DGKK: variants seen among roughly 807,000 people sequenced by gnomAD.
DGKK encodes 142 kDa diacylglycerol kinase.
A neutral mutation model predicts 92.2 loss-of-function variants in DGKK; 35 were observed. The ratio of observed to expected loss-of-function variants is 0.38; its 90% confidence interval spans 0.29 to 0.50. DGKK has a LOEUF of 0.50. DGKK is among the 20% of genes least tolerant of loss of function. The probability of loss-of-function intolerance (pLI) is 0.92; values close to 1 mark genes in which losing one functional copy is unlikely to be tolerated. For synonymous variants in DGKK, 368 were observed against 360.6 expected (o/e 1.02, Z -0.23); for missense variants, 910 against 992.2 (o/e 0.92, Z 1.11).
chrX:50,378,352 A>G (rs1244014265), intron 21 of DGKK, 120 bp from the exon 22 acceptor site: 2 of 977,974 alleles, frequency 2.0e-6, no homozygotes, highest in East Asian at 6.7e-5. Context: ...AAAGGATGTG[A>G]ATCAGATCAT....
chrX:50,387,652 A>C lies in DGKK; in HGVS notation c.2020T>G (p.Phe674Val). 2 of 1,182,777 alleles carry C rather than the reference A, an allele frequency of 1.7e-6. No homozygotes were observed. Among genetic ancestry groups the C allele is most frequent in the South Asian group, 1.8e-5 (1 of 55,708 alleles). ...AAATCTTCCACAGCTGAACACAAGA[A>C]TCTGGAAAGATAAAATAGATGGCAC... is the stretch of plus-strand genomic sequence containing the variant. ...YPTEMIIATR[F>V]LCSAVEDFVV... The change falls in exon 14 of 28, where the codon TTC becomes GTC. Residue 674 changes from phenylalanine (F) to valine (V), a missense_variant and splice_region_variant. Transcript: ENST00000611977.
intron 4 of DGKK, among the ~76,000 whole-genome samples, chrX:50,410,216 A>G (rs1355499078): frequency 1.8e-5 from 2 of 112,105 alleles, no homozygotes; most frequent in African/African-American, 6.5e-5. Context: ...GATTGTTCTG[A>G]ATAGAATTTT....
At chrX:50,462,013 A>G (rs987484328) in intron 1 of DGKK, among the ~76,000 whole-genome samples, 5 of 111,486 alleles carry the variant, frequency 4.5e-5, no homozygotes, top group Admixed American at 9.5e-5. Flanking sequence ...ACTAATTGGT[A>G]GTTAATAGCA....
chrX:50,436,805 C>T (rs1358629582), intron 1 of DGKK, among the ~76,000 whole-genome samples: 1 of 109,823 alleles, frequency 9.1e-6, no homozygotes, highest in Non-Finnish European at 1.9e-5. Context: ...CTTGTTCTGG[C>T]CTTCTGACTT....
intron 17 of DGKK, among the ~76,000 whole-genome samples, chrX:50,383,381 G>A (rs922342006): frequency 9.0e-6 from 1 of 111,686 alleles, no homozygotes; most frequent in Admixed American, 9.5e-5. Context: ...TGAGAGCTCA[G>A]ACATAAATTT....
chrX:50,434,018 C>T (rs1159020474), intron 1 of DGKK, among the ~76,000 whole-genome samples: 2 of 111,040 alleles, frequency 1.8e-5, no homozygotes, highest in African/African-American at 6.6e-5. Flanking sequence ...TGACCATAAG[C>T]TACCAGAGAA....
In DGKK at chrX:50,463,059, T is replaced by C. The variant is rs781918215; in HGVS notation, c.645+6975A>G. On this transcript the variant is annotated intron_variant, in intron 1 of 27. Coordinates refer to ENST00000611977, the MANE Select transcript of DGKK (RefSeq NM_001013742.4). The stretch of plus-strand genomic sequence containing the variant: ...ATTTTGTGTGTGTGTGGTTTTTTTT[T>C]CCTTATTGTGGGGGATGGAGAGGGT... 3.7e-5 allele frequency among the ~76,000 whole-genome samples: 4 copies of C among 107,636 alleles called. No individual in the cohort carries two copies. The East Asian group carries it at 1.2e-3, about 32-fold the overall frequency. The allele number at this position is 107,636 out of a possible 115,157, so 93.5% of individuals were successfully genotyped here. A position where few individuals can be genotyped will look rare whatever the true frequency, so the allele number is the denominator to read the frequency against.
chrX:50,464,019 C>T (rs1474171870), intron 1 of DGKK, among the ~76,000 whole-genome samples: 2 of 108,814 alleles, frequency 1.8e-5, no homozygotes, highest in African/African-American at 6.6e-5. Flanking sequence ...ATCTATTATG[C>T]ATCAGTTAAA....
rs782445063 is a variant in DGKK, at chrX:50,409,989, C to T, written c.943-5805G>A. 8.9e-5 allele frequency among the ~76,000 whole-genome samples: 10 copies of T among 111,994 alleles called. No individual in the cohort carries two copies. In the East Asian group the frequency reaches 2.8e-3, roughly 31 times the overall value. On this transcript the variant is annotated intron_variant, in intron 4 of 27. Coordinates refer to ENST00000611977, the MANE Select transcript of DGKK (RefSeq NM_001013742.4). ...AGTCTGCCAGTGGCTTGATCTTGGACTCTCTGGCTTCCGGAAGTGTGAGAA... is the reference window on the plus strand; with the variant it reads ...AGTCTGCCAGTGGCTTGATCTTGGATTCTCTGGCTTCCGGAAGTGTGAGAA...
At chrX:50,379,802 A>T (rs1924369179) in intron 19 of DGKK, 68 bp from the exon 20 acceptor site, 1 of 977,588 alleles carries the variant, frequency 1.0e-6, no homozygotes, top group African/African-American at 1.9e-5. Flanking sequence ...ATTTACAGAG[A>T]TGGGGAAAGG....
rs1924004097 is a variant in DGKK at position 50,367,622 on chromosome X, G to T, written c.*1318C>A. 1 of 111,201 alleles carries T rather than the reference G, an allele frequency of 9.0e-6. No individual in the cohort carries two copies. Among genetic ancestry groups the T allele is most frequent in the African/African-American group, 3.3e-5 (1 of 30,530 alleles). 9.2% of individuals were successfully genotyped at this position (111,201 alleles called of 1,213,427 possible). A position where few individuals can be genotyped will look rare whatever the true frequency, so the allele number is the denominator to read the frequency against. ...ATGGAGCTTGTGGGGAAGGGCCTAGGCTGTGACTTAATTGTCAGGCAGTCC... is the reference window on the plus strand; with the variant it reads ...ATGGAGCTTGTGGGGAAGGGCCTAGTCTGTGACTTAATTGTCAGGCAGTCC... On this transcript the variant is annotated 3_prime_UTR_variant, in exon 28 of 28. Transcript: ENST00000611977.
chrX:50,391,633 A>G (rs909445133), intron 10 of DGKK, 57 bp from the exon 11 acceptor site: 19 of 1,161,222 alleles, frequency 1.6e-5, no homozygotes, highest in Non-Finnish European at 2.2e-5. Flanking sequence ...AGCTTCACCC[A>G]TGAAGGAACC....
At chrX:50,453,304 T>C (rs1557232601) in intron 1 of DGKK, among the ~76,000 whole-genome samples, 1 of 111,702 alleles carries the variant, frequency 9.0e-6, no homozygotes, top group Non-Finnish European at 1.9e-5. Flanking sequence ...TCCTTTAGCT[T>C]TGGTTTTCTC....
intron 1 of DGKK, among the ~76,000 whole-genome samples, chrX:50,458,782 A>T (rs1364342308): frequency 9.0e-6 from 1 of 111,114 alleles, no homozygotes; most frequent in Non-Finnish European, 1.9e-5. Context: ...AAATTTCAAT[A>T]GGACTTGCCT....
chrX:50,376,193 A>G, intron 23 of DGKK, 28 bp from the exon 24 acceptor site: 1 of 1,202,082 alleles, frequency 8.3e-7, no homozygotes, highest in Non-Finnish European at 1.1e-6. Flanking sequence ...CAGATAGATG[A>G]GTTGGGATTT....
At chrX:50,444,535 C>T (rs1319659898) in intron 1 of DGKK, among the ~76,000 whole-genome samples, 4 of 111,421 alleles carry the variant, frequency 3.6e-5, no homozygotes, top group African/African-American at 1.3e-4. Context: ...TAAGTGAGAA[C>T]ATGCAGTATT....
intron 8 of DGKK, among the ~76,000 whole-genome samples, chrX:50,397,515 T>C (rs1371431580): frequency 8.9e-6 from 1 of 111,779 alleles, no homozygotes; most frequent in Non-Finnish European, 1.9e-5. Context: ...CTAGGACTAG[T>C]AGTATCAGCA....
intron 18 of DGKK, among the ~76,000 whole-genome samples, chrX:50,382,065 G>C (rs1433669401): frequency 1.8e-5 from 2 of 111,858 alleles, no homozygotes; most frequent in Non-Finnish European, 3.8e-5. Context: ...AAAATTAACG[G>C]GTTCAGGGGA....
At chrX:50,418,367 A>G (rs935698156) in intron 4 of DGKK, among the ~76,000 whole-genome samples, 1 of 110,305 alleles carries the variant, frequency 9.1e-6, no homozygotes, top group African/African-American at 3.3e-5. Context: ...TTTTTTTTCT[A>G]CTCTTTATGA....
Sources: allele counts gnomAD v4.1 joint callset (sites outside exome capture counted in the v4.1 genomes callset), GRCh38; gene constraint gnomAD v4.1.1; transcripts MANE v1.5; gene names NCBI Gene and HGNC (gene_info 2026-07-23, HGNC 2026-07-21).